The following SLC9A8 variants were observed in gnomAD, a reference collection of about 807,000 sequenced individuals.
The protein encoded by SLC9A8 is solute carrier family 9 member A8, also known as sodium/hydrogen exchanger 8.
In SLC9A8, 48 loss-of-function variants were observed where a neutral mutation model predicts 66.6. The ratio of observed to expected loss-of-function variants is 0.72; its 90% CI spans 0.57 to 0.92. The LOEUF (loss-of-function observed/expected upper bound fraction) is 0.92, where lower values mean the gene tolerates loss of function less well. SLC9A8 is among the 40% of genes least tolerant of loss of function. The pLI, the probability that SLC9A8 is intolerant of heterozygous loss-of-function variation, is 0.00. For synonymous variants in SLC9A8, 274 were observed against 282.6 expected (o/e 0.97, Z 0.31); for missense variants, 599 against 747.3 (o/e 0.80, Z 2.31).
chr20:49,891,389 A>C lies in SLC9A8; in HGVS notation c.*3453A>C, dbSNP rs1352691657. On this transcript the variant is annotated 3_prime_UTR_variant, in exon 16 of 16. Transcript: ENST00000361573. ...TAACGCCCTCCATTTCACGCCCTCCATCTCACAGTCAAGATAAAGGCCTCG... is the reference window on the plus strand; with the variant it reads ...TAACGCCCTCCATTTCACGCCCTCCCTCTCACAGTCAAGATAAAGGCCTCG... 1 of 152,090 alleles carries C rather than the reference A, an allele frequency of 6.6e-6. No homozygotes were observed. Among genetic ancestry groups the C allele is most frequent in the Admixed American group, 6.6e-5 (1 of 15,264 alleles). The allele number at this position is 152,090 out of a possible 1,614,324, so 9.4% of individuals were successfully genotyped here.
rs564237715 is a variant in SLC9A8, at chr20:49,832,338, A to G, written c.290-7203A>G. Among the ~76,000 whole-genome samples, 37 of 152,032 alleles carry G rather than the reference A, an allele frequency of 2.4e-4. 2 individuals are homozygous for G. In the South Asian group the frequency reaches 7.5e-3, roughly 31 times the overall value. On this transcript the variant is annotated intron_variant, in intron 3 of 15. Transcript: ENST00000361573. ...AGGCCTGGGGTCTGTCGGGGGTGAA[A>G]AGAACTGGCCTGACCTACCTGAACT... is the stretch of plus-strand genomic sequence containing the variant.
At position 49,831,431 on chromosome 20, in the gene SLC9A8, CTG is replaced by C. The variant is rs1555830659; in HGVS notation, c.290-8108_290-8107del. Among the ~76,000 whole-genome samples, 12 of 150,776 alleles carry C rather than the reference CTG, an allele frequency of 8.0e-5. No homozygotes were observed. The East Asian group carries it at 1.8e-3, about 22-fold the overall frequency. ...TCTCTCTCTCTCTCTCTCTCTCTCT[CTG>C]TCTCTCTCTCTCTCACCCCAGGATA... is the stretch of plus-strand genomic sequence containing the variant. On this transcript the variant is annotated intron_variant, in intron 3 of 15. Coordinates refer to ENST00000361573, the MANE Select transcript of SLC9A8 (RefSeq NM_015266.3).
intron 11 of SLC9A8, among the ~76,000 whole-genome samples, chr20:49,877,488 C>T (rs946352763): frequency 6.6e-6 from 1 of 152,114 alleles, no homozygotes; most frequent in African/African-American, 2.4e-5. Flanking sequence ...CAATGAGTCT[C>T]ACTCTGCAAA....
At chr20:49,815,743 G>GA (rs377282816) in intron 2 of SLC9A8, among the ~76,000 whole-genome samples, 1,681 of 142,382 alleles carry the variant, frequency 0.012, 14 homozygotes, top group Middle Eastern at 0.045. Context: ...AGACTGTCTG[G>GA]AAAAAAAAAA....
chr20:49,847,847 C>T (rs1384276315), intron 5 of SLC9A8, among the ~76,000 whole-genome samples: 1 of 150,042 alleles, frequency 6.7e-6, no homozygotes, highest in African/African-American at 2.5e-5. Context: ...TTAATATTAA[C>T]CAAATATATA....
intron 3 of SLC9A8, among the ~76,000 whole-genome samples, chr20:49,834,101 T>C (rs1985941572): frequency 6.9e-6 from 1 of 144,102 alleles, no homozygotes; most frequent in Admixed American, 7.2e-5. Flanking sequence ...ATACAAAAAT[T>C]AGCCGGGCGT....
intron 12 of SLC9A8, among the ~76,000 whole-genome samples, chr20:49,880,049 C>T (rs1284896061): frequency 6.6e-6 from 1 of 151,116 alleles, no homozygotes; most frequent in Non-Finnish European, 1.5e-5. Flanking sequence ...TTGCTTGAGA[C>T]CAGGAGTTTG....
At chr20:49,877,516 T>A (rs758152218) in intron 11 of SLC9A8, among the ~76,000 whole-genome samples, 9 of 152,152 alleles carry the variant, frequency 5.9e-5, no homozygotes, top group Middle Eastern at 3.2e-3. Context: ...GGGTGTGAGC[T>A]GTGTTCTAAA....
intron 3 of SLC9A8, among the ~76,000 whole-genome samples, chr20:49,828,921 G>A (rs2087039546): frequency 1.3e-5 from 2 of 150,440 alleles, no homozygotes; most frequent in Non-Finnish European, 3.0e-5. Flanking sequence ...CAGTATAGAT[G>A]TGTGTGTGTG....
chr20:49,853,177 C>T (rs187715012), intron 7 of SLC9A8, among the ~76,000 whole-genome samples: 7 of 152,304 alleles, frequency 4.6e-5, no homozygotes, highest in Non-Finnish European at 7.4e-5. Flanking sequence ...GGTGGGCCTG[C>T]GCTTCACTGA....
rs2090042234 is a variant in SLC9A8, at chr20:49,891,484, A to AT, written c.*3550dup. 6.6e-6 allele frequency: 1 copy of AT among 152,180 alleles called. No individual in the cohort carries two copies. Among genetic ancestry groups the AT allele is most frequent in the Non-Finnish European group, 1.5e-5 (1 of 68,054 alleles). 9.4% of individuals were successfully genotyped at this position (152,180 alleles called of 1,614,324 possible). ...CCAAACAGTTGTCCAACAGTTAGAC[A>AT]TTGAGGGGCTTCACTGTTACCAGGC... On this transcript the variant is annotated 3_prime_UTR_variant, in exon 16 of 16. Coordinates refer to ENST00000361573, the MANE Select transcript of SLC9A8 (RefSeq NM_015266.3).
chr20:49,818,650 C>T (rs1046959573), intron 2 of SLC9A8, among the ~76,000 whole-genome samples: 1 of 151,978 alleles, frequency 6.6e-6, no homozygotes, highest in African/African-American at 2.4e-5. Flanking sequence ...GCCACCACAC[C>T]CAGCTAATTT....
At chr20:49,846,774 C>T (rs2088014344) in intron 5 of SLC9A8, among the ~76,000 whole-genome samples, 2 of 151,806 alleles carry the variant, frequency 1.3e-5, no homozygotes, top group Admixed American at 1.3e-4. Context: ...ATTAGCTGGT[C>T]GTGGTGGTGC....
chr20:49,813,537 G>T (rs1201859689), intron 1 of SLC9A8, among the ~76,000 whole-genome samples: 1 of 152,128 alleles, frequency 6.6e-6, no homozygotes, highest in Admixed American at 6.5e-5. Flanking sequence ...CGTTATTTGT[G>T]CCTAGTGTTC....
At position 49,879,681 on chromosome 20, in the gene SLC9A8, C is replaced by T. The variant is rs551433973; in HGVS notation, c.1159-1243C>T. ...CTCTACTAAAAATACAAAAATTAGC[C>T]GGGCATGGTAGCACACGCCTGTAAT... On this transcript the variant is annotated intron_variant, in intron 12 of 15. Transcript: ENST00000361573. Among the ~76,000 whole-genome samples, 23 of 151,672 alleles carry T rather than the reference C, an allele frequency of 1.5e-4. No individual in the cohort carries two copies. In the East Asian group the frequency reaches 2.7e-3, roughly 18 times the overall value.
chr20:49,833,464 A>G (rs965257254), intron 3 of SLC9A8, among the ~76,000 whole-genome samples: 2 of 152,276 alleles, frequency 1.3e-5, no homozygotes, highest in African/African-American at 4.8e-5. Flanking sequence ...GGTAACAAAA[A>G]AAATTAATAC....
intron 3 of SLC9A8, among the ~76,000 whole-genome samples, chr20:49,825,203 G>T (rs1484436855): frequency 1.3e-5 from 2 of 152,066 alleles, no homozygotes; most frequent in African/African-American, 4.8e-5. Context: ...TCTATTAGCT[G>T]TTGTTGACTT....
At chr20:49,848,964 A>T (rs756289132) in intron 5 of SLC9A8, among the ~76,000 whole-genome samples, 2 of 152,218 alleles carry the variant, frequency 1.3e-5, no homozygotes, top group Non-Finnish European at 2.9e-5. Flanking sequence ...AAAGTAAGAC[A>T]TCAGTACATA....
chr20:49,877,714 G>A (rs1221991367), intron 11 of SLC9A8, among the ~76,000 whole-genome samples: 1 of 152,160 alleles, frequency 6.6e-6, no homozygotes, highest in Admixed American at 6.5e-5. Flanking sequence ...TCCCTGGGTG[G>A]GATCGTGTTT....
Sources: allele counts gnomAD v4.1 joint callset (sites outside exome capture counted in the v4.1 genomes callset), GRCh38; gene constraint gnomAD v4.1.1; transcripts MANE v1.5; gene names NCBI Gene and HGNC (gene_info 2026-07-23, HGNC 2026-07-21).